FAT1: variants seen among roughly 807,000 people sequenced by gnomAD.
FAT1 encodes protocadherin Fat 1.
A neutral mutation model predicts 329.8 loss-of-function variants in FAT1; 171 were observed. The observed-to-expected ratio is 0.52, with a 90% CI of 0.46 to 0.59. FAT1 has a LOEUF of 0.59. Among genes scored for constraint, FAT1 ranks in the 20% least tolerant of loss-of-function variants. The pLI is 0.00. For missense variants in FAT1, 5,672 were observed against 5,774.4 expected (o/e 0.98, Z 0.57); for synonymous variants, 2,233 against 2,228.6 (o/e 1.00, Z -0.06).
intron 2 of FAT1, among the ~76,000 whole-genome samples, chr4:186,689,440 T>C (rs116485490): frequency 0.012 from 1,872 of 152,288 alleles, 42 homozygotes; most frequent in African/African-American, 0.043. Context: ...CATGGACAAT[T>C]TTTAATTGAA....
In FAT1 at chr4:186,706,907, A is replaced by C; in HGVS notation, c.2921T>G (p.Phe974Cys). 1 of 1,613,818 alleles carries C rather than the reference A, an allele frequency of 6.2e-7. No individual in the cohort carries two copies. The highest frequency in any genetic ancestry group is 1.1e-5 in the South Asian group (1 of 91,042). Residue 974 changes from phenylalanine (F) to cysteine (C), a missense_variant, in exon 2 of 27, where the codon TTC becomes TGC. Physicochemically the swap from Phe to Cys is radical, Grantham distance 205 (BLOSUM62 -2). Around this residue, in one of 2 missense-constraint regions of FAT1, gnomAD observed 3,966 missense variants for 3,915.2 expected, o/e 1.01. Transcript: ENST00000441802. Reference sequence around the variant, plus strand: ...TGCTCCACTGAGTTTATCCACATCGAAGTTTCCTTCTCCGTGGTCCAGAAG... The same window carrying C: ...TGCTCCACTGAGTTTATCCACATCGCAGTTTCCTTCTCCGTGGTCCAGAAG... ...YSLLDHGEGNFDVDKLSGAVR... is the reference protein window; with the variant it reads ...YSLLDHGEGNCDVDKLSGAVR...
At chr4:186,627,156 C>T (rs1404228567) in intron 9 of FAT1, among the ~76,000 whole-genome samples, 1 of 89,160 alleles carries the variant, frequency 1.1e-5, no homozygotes, top group African/African-American at 5.2e-5. Flanking sequence ...GCTTCACCAG[C>T]CCACAGAATG....
At chr4:186,645,117 G>A (rs1018741199) in intron 3 of FAT1, among the ~76,000 whole-genome samples, 7 of 151,872 alleles carry the variant, frequency 4.6e-5, no homozygotes, top group African/African-American at 7.3e-5. Context: ...GAGAAGACAC[G>A]TGGTCTAGTC....
At chr4:186,653,387 G>A (rs1741758242) in intron 3 of FAT1, among the ~76,000 whole-genome samples, 1 of 152,144 alleles carries the variant, frequency 6.6e-6, no homozygotes, top group African/African-American at 2.4e-5. Flanking sequence ...TCTATTTAAA[G>A]AATAATTTTG....
chr4:186,617,735 T>C lies in FAT1; in HGVS notation c.8851A>G (p.Asn2951Asp). 6.3e-7 allele frequency: 1 copy of C among 1,589,982 alleles called. No homozygotes were observed. Among genetic ancestry groups the C allele is most frequent in the Non-Finnish European group, 8.6e-7 (1 of 1,167,056 alleles). Reference protein sequence around the residue: ...STTDADSEEINRQVTYFITGG... With the variant: ...STTDADSEEIDRQVTYFITGG... ...GTTATGAAATATGTAACTTGTCTGTTGATCTCTTCAGAATCAGCATCCGTG... is the reference window on the plus strand; with the variant it reads ...GTTATGAAATATGTAACTTGTCTGTCGATCTCTTCAGAATCAGCATCCGTG... The change falls in exon 10 of 27, where the codon AAC (asparagine) becomes GAC (aspartate). Residue 2951 changes from asparagine to aspartate, a missense_variant. Transcript: ENST00000441802.
At position 186,709,248 on chromosome 4, in the gene FAT1, TA is replaced by T; in HGVS notation, c.579del (p.Asp193GlufsTer11). On this transcript the variant is annotated frameshift_variant, in exon 2 of 27. Transcript: ENST00000441802. LOFTEE classifies it high-confidence loss of function. ...EFYYSFKDRT[D>X]MFAIHPTSGV... ...CCACTGGTTGGGTGAATAGCAAACA[TA>T]TCTGTTCGATCTTTAAAACTGTAGT... 6.2e-7 allele frequency: 1 copy of T among 1,614,008 alleles called. No individual in the cohort carries two copies. The highest frequency in any genetic ancestry group is 1.7e-5 in the Admixed American group (1 of 60,022).
intron 7 of FAT1, among the ~76,000 whole-genome samples, chr4:186,630,215 G>A (rs1740522946): frequency 6.6e-6 from 1 of 152,184 alleles, no homozygotes; most frequent in Non-Finnish European, 1.5e-5. Flanking sequence ...ATCATGTAAA[G>A]TTTTTAAGAG....
chr4:186,610,469 A>T (rs1739352429), intron 14 of FAT1, among the ~76,000 whole-genome samples: 1 of 151,300 alleles, frequency 6.6e-6, no homozygotes. Context: ...TAACTTCTAG[A>T]TAACCCTTTA....
intron 2 of FAT1, among the ~76,000 whole-genome samples, chr4:186,688,056 AT>A (rs904343929): frequency 1.4e-5 from 2 of 141,150 alleles, no homozygotes; most frequent in East Asian, 2.2e-4. Flanking sequence ...AATAAAGATC[AT>A]TTTTTTAATG....
rs576041146 is a variant in FAT1, at chr4:186,598,068, T to G, written c.12161A>C (p.Asn4054Thr). Residue 4054 changes from asparagine (N) to threonine (T), a missense_variant, in exon 23 of 27, where the codon AAT becomes ACT. By Grantham distance (65) the Asn-to-Thr change is moderately conservative (BLOSUM62 0). This residue lies in a region of FAT1 where 1,706 missense variants were observed against 1,859.1 expected (regional missense o/e 0.92). Coordinates refer to ENST00000441802, the MANE Select transcript of FAT1 (RefSeq NM_005245.4). ...YIGTHCEISVNPCSSKPCLYG... is the reference protein window; with the variant it reads ...YIGTHCEISVTPCSSKPCLYG... Reference sequence around the variant, plus strand: ...GAGGCATGGCTTGGAGGAACACGGATTGACGCTTATCTCACAGTGGGTCCC... The same window carrying G: ...GAGGCATGGCTTGGAGGAACACGGAGTGACGCTTATCTCACAGTGGGTCCC... 6.2e-7 allele frequency: 1 copy of G among 1,613,930 alleles called. No individual in the cohort carries two copies. Among genetic ancestry groups the G allele is most frequent in the Non-Finnish European group, 8.5e-7 (1 of 1,179,874 alleles).
At chr4:186,628,788 A>T (rs761111990) in intron 7 of FAT1, 25 bp from the exon 8 acceptor site, 1 of 1,597,358 alleles carries the variant, frequency 6.3e-7, no homozygotes, top group South Asian at 1.1e-5. Context: ...AAAATGACTC[A>T]TACAATATTT....
At chr4:186,724,484 C>T (rs1745640514), upstream of FAT1, among the ~76,000 whole-genome samples, 1 of 152,334 alleles carries the variant, frequency 6.6e-6, no homozygotes, top group East Asian at 1.9e-4. This position sits in a 1 kb window ranked among gnomAD's most constrained non-coding sequence, Gnocchi z 5.3. Context: ...CCCGCTGACA[C>T]CCCGGACGCC....
chr4:186,659,221 T>C (rs1056252918), intron 3 of FAT1, among the ~76,000 whole-genome samples: 7 of 152,168 alleles, frequency 4.6e-5, no homozygotes, highest in Admixed American at 2.0e-4. Flanking sequence ...GGCTAGACCA[T>C]CTAGGTTTGG....
At chr4:186,695,293 G>GT (rs1560998694) in intron 2 of FAT1, among the ~76,000 whole-genome samples, 1 of 152,160 alleles carries the variant, frequency 6.6e-6, no homozygotes, top group East Asian at 1.9e-4. Flanking sequence ...GACACAACAC[G>GT]TAACTCAGGT....
In FAT1 at chr4:186,620,802, A is replaced by C; in HGVS notation, c.5784T>G (p.Ser1928=). Reference sequence around the variant, plus strand: ...TGAGAGCACCAGTCTTGTAGTCCATAGAAAACTTCTCCCCGATGTTGCCTT... The same window carrying C: ...TGAGAGCACCAGTCTTGTAGTCCATCGAAAACTTCTCCCCGATGTTGCCTT... The part of the protein sequence containing the change: ...ITEGNIGEKF[S]MDYKTGALTV... The change falls in exon 10 of 27, where the codon TCT becomes TCG. Residue 1928 remains serine, a synonymous_variant. Transcript: ENST00000441802. 4.3e-6 allele frequency: 7 copies of C among 1,614,076 alleles called. No individual in the cohort carries two copies. The highest frequency in any genetic ancestry group is 5.9e-6 in the Non-Finnish European group (7 of 1,179,912).
intron 3 of FAT1, among the ~76,000 whole-genome samples, chr4:186,645,946 A>C (rs1293659081): frequency 2.7e-5 from 1 of 36,584 alleles, no homozygotes; most frequent in South Asian, 7.9e-4. Flanking sequence ...ACTGTCTCAC[A>C]AAAAAAAAAA....
chr4:186,726,475 C>T (rs1303656638), upstream of FAT1: 1 of 148,482 alleles, frequency 6.7e-6, no homozygotes, highest in Admixed American at 6.6e-5. Flanking sequence ...CCGGGATCTT[C>T]AGCATGTCCC....
In FAT1 at chr4:186,619,729, T is replaced by G. The variant is rs754893706; in HGVS notation, c.6857A>C (p.Gln2286Pro). The G allele has an allele frequency of 6.8e-6, 11 of 1,613,900 alleles. No individual in the cohort carries two copies. The highest frequency in any genetic ancestry group is 1.7e-5 in the Admixed American group (1 of 60,010). The change falls in exon 10 of 27, where the codon CAG becomes CCG. Residue 2286 changes from glutamine (Q) to proline (P), a missense_variant. Physicochemically the swap from Gln to Pro is moderately conservative, Grantham distance 76 (BLOSUM62 -1). Coordinates refer to ENST00000441802, the MANE Select transcript of FAT1 (RefSeq NM_005245.4). The part of the protein sequence containing the change: ...INDNPPVFAQ[Q>P]SYAVTLSEAS... Reference sequence around the variant, plus strand: ...CTCAGACAGGGTCACCGCATAAGACTGCTGAGCAAACACAGGAGGGTTATC... The same window carrying G: ...CTCAGACAGGGTCACCGCATAAGACGGCTGAGCAAACACAGGAGGGTTATC...
chr4:186,700,310 T>C (rs1480884406), intron 2 of FAT1, among the ~76,000 whole-genome samples: 1 of 152,176 alleles, frequency 6.6e-6, no homozygotes, highest in Non-Finnish European at 1.5e-5. Flanking sequence ...AATCACACTT[T>C]TACAACTGCA....
Sources: allele counts gnomAD v4.1 joint callset (sites outside exome capture counted in the v4.1 genomes callset), GRCh38; gene constraint gnomAD v4.1.1; regional missense constraint gnomAD v4.1.1; non-coding constraint Gnocchi (gnomAD v3.1); transcripts MANE v1.5; gene names NCBI Gene and HGNC (gene_info 2026-07-23, HGNC 2026-07-21).